APC: variants seen among roughly 807,000 people sequenced by gnomAD.
APC encodes adenomatous polyposis coli protein.
APC carries 72 observed loss-of-function variants against 247.0 expected under a neutral mutation model. That is an observed-to-expected ratio of 0.29 (90% CI 0.24 to 0.35). The LOEUF (loss-of-function observed/expected upper bound fraction) is 0.35. Ranked by LOEUF, APC falls within the 10% of genes least tolerant of loss-of-function variation. APC has a pLI of 1.00. For missense variants in APC, 3,400 were observed against 3,360.7 expected, an observed-to-expected ratio of 1.01 and a Z score of -0.29; for synonymous variants, 1,254 against 1,162.5, an observed-to-expected ratio of 1.08 and a Z score of -1.60.
intron 8 of APC, among the ~76,000 whole-genome samples, chr5:112,803,588 C>T (rs1761060297): frequency 6.6e-6 from 1 of 152,178 alleles, no homozygotes; most frequent in African/African-American, 2.4e-5. Context: ...ATACCCTTAA[C>T]ACAGTCCCTG....
rs869312473 is a variant in APC, at chr5:112,796,887, G to A, written c.729+4358G>A. On this transcript the variant is annotated intron_variant, in intron 7 of 15. Transcript: ENST00000257430. ...TGTTTTGCTGCATCTAACAGGTTTT[G>A]ATATTTCTAAATCAATAGTCACATT... Among the ~76,000 whole-genome samples the A allele has an allele frequency of 3.3e-5, 5 of 151,900 alleles. No homozygotes were observed. Among genetic ancestry groups the A allele is most frequent in the Non-Finnish European group, 2.9e-5 (2 of 67,942 alleles).
chr5:112,805,853 T>C (rs527291729), intron 8 of APC, among the ~76,000 whole-genome samples: 1 of 152,320 alleles, frequency 6.6e-6, no homozygotes, highest in African/African-American at 2.4e-5. Context: ...CTACCGCTTC[T>C]CTCACCTGGT....
chr5:112,771,268 A>G (rs1479563379), intron 4 of APC, among the ~76,000 whole-genome samples: 2 of 152,106 alleles, frequency 1.3e-5, no homozygotes, highest in Non-Finnish European at 2.9e-5. Flanking sequence ...TCGGGAGCAG[A>G]AACTTGTGCC....
At chr5:112,717,919 T>TTTTC (rs1751268058) in intron 1 of APC, among the ~76,000 whole-genome samples, 3 of 129,052 alleles carry the variant, frequency 2.3e-5, no homozygotes, top group Non-Finnish European at 4.9e-5. Context: ...TTTTTTTTTT[T>TTTTC]TTTTTTTTTT....
chr5:112,797,949 A>G (rs1760387362), intron 7 of APC, among the ~76,000 whole-genome samples: 1 of 152,224 alleles, frequency 6.6e-6, no homozygotes, highest in African/African-American at 2.4e-5. Context: ...GAAGATGTGG[A>G]GAAGCAGGAT....
chr5:112,797,250 C>T (rs1455914709), intron 7 of APC, among the ~76,000 whole-genome samples: 1 of 151,660 alleles, frequency 6.6e-6, no homozygotes, highest in African/African-American at 2.4e-5. Flanking sequence ...TAAGAAAGAA[C>T]AAAACCACTT....
At chr5:112,783,631 A>C (rs1387621722) in intron 6 of APC, 10 of 133,308 alleles carry the variant, frequency 7.5e-5, no homozygotes, top group African/African-American at 2.8e-4. Flanking sequence ...TGCCTCTACC[A>C]AAAAAAAAAA....
chr5:112,728,164 G>C (rs1237113807), intron 1 of APC, among the ~76,000 whole-genome samples: 1 of 151,796 alleles, frequency 6.6e-6, no homozygotes, highest in Admixed American at 6.6e-5. Context: ...GTCTCTCTCT[G>C]TTGCTCAGGC....
chr5:112,753,421 CCTT>C (rs1449844951), intron 1 of APC, among the ~76,000 whole-genome samples: 3 of 152,072 alleles, frequency 2.0e-5, no homozygotes, highest in Non-Finnish European at 2.9e-5. Context: ...TTTTAGCATA[CCTT>C]TTTTTATTAA....
In APC at chr5:112,799,370, T is replaced by C. The variant is rs517947; in HGVS notation, c.730-1909T>C. 0.98 allele frequency among the ~76,000 whole-genome samples: 149,204 copies of C among 152,042 alleles called. 73,216 individuals are homozygous for C. Among genetic ancestry groups the C allele is most frequent in the East Asian group, 1 (5,146 of 5,146 alleles). Reference sequence around the variant, plus strand: ...TTATTGAATTGTGTGAGCTAAGGAATGTAGGAGTAATACTCCACACCAGAC... The same window carrying C: ...TTATTGAATTGTGTGAGCTAAGGAACGTAGGAGTAATACTCCACACCAGAC... On this transcript the variant is annotated intron_variant, in intron 7 of 15. Coordinates refer to ENST00000257430, the MANE Select transcript of APC (RefSeq NM_000038.6).
In APC at chr5:112,845,282, A is replaced by G. The variant is rs1766886997; in HGVS notation, c.*1156A>G. ...ACTGGAGCTCAGTAAAAGTAAATTC[A>G]TGTAATAGCAATGCAAGCAGCCTAG... On this transcript the variant is annotated 3_prime_UTR_variant, in exon 16 of 16. Transcript: ENST00000257430. 8.6e-6 allele frequency: 2 copies of G among 232,628 alleles called. No homozygotes were observed. Among genetic ancestry groups the G allele is most frequent in the Admixed American group, 5.6e-5 (1 of 17,760 alleles). The allele number at this position is 232,628 out of a possible 1,614,324, so 14.4% of individuals were successfully genotyped here. A position where few individuals can be genotyped will look rare whatever the true frequency, so the allele number is the denominator to read the frequency against.
At chr5:112,752,046 G>GAAA (rs1277243187) in intron 1 of APC, among the ~76,000 whole-genome samples, 1 of 151,630 alleles carries the variant, frequency 6.6e-6, no homozygotes, top group African/African-American at 2.4e-5. Context: ...CTTTTTCATT[G>GAAA]TAAATTATAT....
chr5:112,722,811 A>T (rs1375133998), intron 1 of APC, among the ~76,000 whole-genome samples: 2 of 152,162 alleles, frequency 1.3e-5, no homozygotes, highest in Non-Finnish European at 2.9e-5. Flanking sequence ...AACCTCGAGG[A>T]ACCTCCACGT....
At chr5:112,712,008 C>T (rs186938594) in intron 1 of APC, among the ~76,000 whole-genome samples, 3 of 152,192 alleles carry the variant, frequency 2.0e-5, no homozygotes, top group Admixed American at 6.5e-5. Context: ...TTTGATTAAA[C>T]AAACATAGAT....
chr5:112,775,619 A>C lies in APC; in HGVS notation c.423-10A>C. On this transcript the variant is annotated splice_polypyrimidine_tract_variant and intron_variant, in intron 4 of 15. Coordinates refer to ENST00000257430, the MANE Select transcript of APC (RefSeq NM_000038.6). ...TTTAAACGTACCTTTTTTTAAAAAA[A>C]AAAAAATAGGTCATTGCTTCTTGCT... is the stretch of plus-strand genomic sequence containing the variant. 2 of 1,571,608 alleles carry C rather than the reference A, an allele frequency of 1.3e-6. No homozygotes were observed. Among genetic ancestry groups the C allele is most frequent in the Non-Finnish European group, 1.7e-6 (2 of 1,148,004 alleles).
rs772795566 is a variant in APC at position 112,835,086 on chromosome 5, A to G, written c.1879A>G (p.Asn627Asp). 2 of 1,614,142 alleles carry G rather than the reference A, an allele frequency of 1.2e-6. No individual in the cohort carries two copies. Among genetic ancestry groups the G allele is most frequent in the Non-Finnish European group, 8.5e-7 (1 of 1,179,996 alleles). ...VGTLTYRSQT[N>D]TLAIIESGGG... is the part of the protein sequence containing the mutation. Reference sequence around the variant, plus strand: ...CACTCTTACTTACCGGAGCCAGACAAACACTTTAGCCATTATTGAAAGTGG... The same window carrying G: ...CACTCTTACTTACCGGAGCCAGACAGACACTTTAGCCATTATTGAAAGTGG... The change falls in exon 15 of 16, where the codon AAC (asparagine) becomes GAC (aspartate). Residue 627 changes from asparagine (N) to aspartate (D), a missense_variant. Physicochemically the swap from Asn to Asp is conservative, Grantham distance 23. Transcript: ENST00000257430.
Position 112,801,374 on chromosome 5 carries a change from T to G in APC, c.825T>G (p.Gly275=). ...GVGEINMATS[G]NGQGSTTRMD... The stretch of plus-strand genomic sequence containing the variant: ...GAGAAATCAACATGGCAACTTCTGG[T>G]AATGGTCAGGTAAATAAATTATTTT... Residue 275 remains glycine (G), a synonymous_variant, in exon 8 of 16, where the codon GGT becomes GGG. Transcript: ENST00000257430. 1 of 1,605,352 alleles carries G rather than the reference T, an allele frequency of 6.2e-7. No homozygotes were observed. Among genetic ancestry groups the G allele is most frequent in the Non-Finnish European group, 8.5e-7 (1 of 1,173,104 alleles).
intron 1 of APC, among the ~76,000 whole-genome samples, chr5:112,709,472 C>G (rs1232838145): frequency 6.6e-6 from 1 of 152,180 alleles, no homozygotes; most frequent in Non-Finnish European, 1.5e-5. Flanking sequence ...CTGGTTGTCT[C>G]TGAATTCTCT....
At chr5:112,735,713 T>G (rs1752347095), upstream of APC, among the ~76,000 whole-genome samples, 1 of 152,092 alleles carries the variant, frequency 6.6e-6, no homozygotes, top group African/African-American at 2.4e-5. Context: ...AAATTCAAAT[T>G]AAACTTTTGT....
Sources: allele counts gnomAD v4.1 joint callset (sites outside exome capture counted in the v4.1 genomes callset), GRCh38; gene constraint gnomAD v4.1.1; transcripts MANE v1.5; gene names NCBI Gene and HGNC (gene_info 2026-07-23, HGNC 2026-07-21).